Variants in NFASC observed in about 807,000 individuals in gnomAD.
NFASC encodes the protein neurofascin homolog.
NFASC carries 43 observed loss-of-function variants against 147.5 expected under a neutral mutation model. That is an observed-to-expected ratio of 0.29 (90% CI 0.23 to 0.38). NFASC has a LOEUF of 0.38. Ranked by LOEUF, NFASC falls within the 10% of genes least tolerant of loss-of-function variation. The pLI is 1.00. For synonymous variants in NFASC, 622 were observed against 665.5 expected (o/e 0.93, Z 1.01); for missense variants, 1,320 against 1,689.0 (o/e 0.78, Z 3.83).
chr1:204,909,797 T>C (rs2086908002), intron 1 of NFASC, among the ~76,000 whole-genome samples: 1 of 152,174 alleles, frequency 6.6e-6, no homozygotes, highest in Admixed American at 6.5e-5. Flanking sequence ...TCTTTTTGCC[T>C]AAGGATATCC....
At chr1:204,858,895 G>A (rs1364214525) in intron 1 of NFASC, among the ~76,000 whole-genome samples, 1 of 152,026 alleles carries the variant, frequency 6.6e-6, no homozygotes, top group Non-Finnish European at 1.5e-5. Flanking sequence ...TTGCTTTAGT[G>A]GAAGCACACG....
intron 5 of NFASC, among the ~76,000 whole-genome samples, chr1:204,953,487 G>A (rs992320266): frequency 5.3e-5 from 8 of 152,062 alleles, no homozygotes; most frequent in African/African-American, 1.4e-4. Context: ...TTAGTAGGAC[G>A]GGGTTTCACC....
chr1:204,878,812 AAG>A (rs2079544197), intron 1 of NFASC, among the ~76,000 whole-genome samples: 1 of 152,170 alleles, frequency 6.6e-6, no homozygotes. Flanking sequence ...TCCCAGCTGG[AAG>A]AGTGTTAATT....
chr1:204,932,413 T>C (rs1181025018), intron 2 of NFASC, among the ~76,000 whole-genome samples: 1 of 152,128 alleles, frequency 6.6e-6, no homozygotes, highest in Non-Finnish European at 1.5e-5. Context: ...TCCATAAATA[T>C]TCCTTGCCAG....
intron 8 of NFASC, among the ~76,000 whole-genome samples, chr1:204,965,616 G>A (rs1189413662): frequency 6.6e-6 from 1 of 152,166 alleles, no homozygotes; most frequent in Non-Finnish European, 1.5e-5. Flanking sequence ...CCACTGAGGA[G>A]AGGTGGGATC....
chr1:204,956,245 TTTCA>T (rs1269791240), intron 7 of NFASC, among the ~76,000 whole-genome samples: 2 of 152,206 alleles, frequency 1.3e-5, no homozygotes, highest in African/African-American at 4.8e-5. Flanking sequence ...TAATTGATAG[TTTCA>T]TTCATCTGCT....
chr1:204,911,906 G>A (rs947674147), intron 1 of NFASC, among the ~76,000 whole-genome samples: 1 of 152,160 alleles, frequency 6.6e-6, no homozygotes, highest in South Asian at 2.1e-4. Context: ...AAAGTTATGT[G>A]TGTAGAGTTT....
At position 204,975,162 on chromosome 1, in the gene NFASC, C is replaced by A; in HGVS notation, c.1559-109C>A. 8.0e-7 allele frequency: 1 copy of A among 1,243,736 alleles called. No individual in the cohort carries two copies. The highest frequency in any genetic ancestry group is 1.1e-6 in the Non-Finnish European group (1 of 891,460). The allele number at this position is 1,243,736 out of a possible 1,614,324, so 77.0% of individuals were successfully genotyped here. ...ACCATAGCATACTGTTTGTGCCCCA[C>A]TCCATAGTTGGCCCAAGGCCTCGAG... On this transcript the variant is annotated intron_variant, in intron 14 of 29. Coordinates refer to ENST00000339876, the MANE Select transcript of NFASC (RefSeq NM_001005388.3). The surrounding 1 kb of genome is among the most constrained non-coding windows in gnomAD (Gnocchi z 4.0).
chr1:205,002,884 A>C, intron 27 of NFASC, 136 bp downstream of exon 27: 3 of 633,722 alleles, frequency 4.7e-6, no homozygotes, highest in African/African-American at 1.9e-5. Flanking sequence ...GGCGTGTCTC[A>C]GCTCTTATTA....
chr1:204,957,580 T>G (rs1288670740), intron 7 of NFASC, 76 bp from the exon 8 acceptor site: 11 of 1,424,584 alleles, frequency 7.7e-6, no homozygotes, highest in Middle Eastern at 1.8e-4. Context: ...TGTAAAGTGT[T>G]CTGTCGCCAG....
intron 1 of NFASC, among the ~76,000 whole-genome samples, chr1:204,829,776 C>T (rs1671686061): frequency 6.6e-6 from 1 of 152,150 alleles, no homozygotes; most frequent in African/African-American, 2.4e-5. Flanking sequence ...ATGTAAAGGC[C>T]TGGATGAGGA....
chr1:204,835,728 T>G (rs1315481914), intron 1 of NFASC, among the ~76,000 whole-genome samples: 1 of 152,076 alleles, frequency 6.6e-6, no homozygotes, highest in Non-Finnish European at 1.5e-5. Flanking sequence ...GAACCCTGAG[T>G]GCTAGTCTTT....
rs137866492 is a variant in NFASC at position 204,974,681 on chromosome 1, C to T, written c.1416C>T (p.Asn472=). 2.8e-5 allele frequency: 46 copies of T among 1,614,216 alleles called. No homozygotes were observed. The African/African-American group carries it at 5.3e-4, about 19-fold the overall frequency. The stretch of plus-strand genomic sequence containing the variant: ...GGTTTAAGAATGGGCAAGGAAGCAA[C>T]CTGGATGGTGGCAACTACCATGTTT... ...LRWFKNGQGS[N]LDGGNYHVYE... Residue 472 remains asparagine (N), a synonymous_variant, in exon 14 of 30, where the codon AAC becomes AAT. Transcript: ENST00000339876.
rs115158255 is a variant in NFASC at position 204,947,111 on chromosome 1, G to A, written c.91+2705G>A. On this transcript the variant is annotated intron_variant, in intron 3 of 29. Transcript: ENST00000339876. ...GCAGCAGAAACAGGCCCAAAAGAAC[G>A]GGGAGAAGAAAATTGCAAGTTCACA... 2,707 of 307,792 alleles carry A rather than the reference G, an allele frequency of 8.8e-3. 70 individuals carry two copies. The highest frequency in any genetic ancestry group is 0.053 in the African/African-American group (2,463 of 46,168). 19.1% of individuals were successfully genotyped at this position (307,792 alleles called of 1,614,324 possible).
chr1:204,876,049 T>A (rs988924487), intron 1 of NFASC, among the ~76,000 whole-genome samples: 1 of 152,218 alleles, frequency 6.6e-6, no homozygotes, highest in African/African-American at 2.4e-5. Context: ...AAGATAGGCC[T>A]CCTAAATTAC....
chr1:204,948,979 CAT>C (rs1285727826), intron 3 of NFASC, among the ~76,000 whole-genome samples: 2 of 152,190 alleles, frequency 1.3e-5, no homozygotes, highest in Admixed American at 6.5e-5. Context: ...AAGAATATCA[CAT>C]ATGGGTGAAG....
At chr1:204,949,080 C>T (rs2093959135) in intron 3 of NFASC, among the ~76,000 whole-genome samples, 1 of 152,238 alleles carries the variant, frequency 6.6e-6, no homozygotes, top group African/African-American at 2.4e-5. Context: ...TTGTCTCCTG[C>T]CCAGGCAGCC....
chr1:204,958,360 T>C (rs900862163), intron 8 of NFASC, among the ~76,000 whole-genome samples: 9 of 152,252 alleles, frequency 5.9e-5, no homozygotes, highest in Non-Finnish European at 1.0e-4. Context: ...ATGTATATGC[T>C]GAACCATATG....
intron 2 of NFASC, among the ~76,000 whole-genome samples, chr1:204,928,459 C>G (rs897821634): frequency 6.6e-6 from 1 of 152,168 alleles, no homozygotes; most frequent in African/African-American, 2.4e-5. Context: ...CCAGGGACAC[C>G]TATGCACTTT....
Sources: allele counts gnomAD v4.1 joint callset (sites outside exome capture counted in the v4.1 genomes callset), GRCh38; gene constraint gnomAD v4.1.1; non-coding constraint Gnocchi (gnomAD v3.1); transcripts MANE v1.5; gene names NCBI Gene and HGNC (gene_info 2026-07-23, HGNC 2026-07-21).